ALG6: variants seen among roughly 807,000 people sequenced by gnomAD.
ALG6 encodes dolichyl pyrophosphate Man9GlcNAc2 alpha-1,3-glucosyltransferase.
Under a neutral mutation model 66.6 loss-of-function variants are expected in ALG6, and 46 were observed. The observed-to-expected ratio is 0.69, with a 90% confidence interval of 0.55 to 0.88. The LOEUF (loss-of-function observed/expected upper bound fraction) is 0.88, where lower values mean the gene tolerates loss of function less well. Among genes scored for constraint, ALG6 ranks in the 40% least tolerant of loss-of-function variants. The probability of loss-of-function intolerance (pLI) is 0.00; values close to 1 mark genes in which losing one functional copy is unlikely to be tolerated. For synonymous variants in ALG6, 185 were observed against 203.7 expected, an observed-to-expected ratio of 0.91 and a Z score of 0.78; for missense variants, 505 against 586.8, an observed-to-expected ratio of 0.86 and a Z score of 1.44.
intron 7 of ALG6, 134 bp downstream of exon 7, chr1:63,407,260 A>G: frequency 1.5e-6 from 1 of 660,942 alleles, no homozygotes. Flanking sequence ...CAATAATATA[A>G]AAGAATCTCT....
chr1:63,378,980 C>T (rs761277509), intron 2 of ALG6, among the ~76,000 whole-genome samples: 1 of 151,158 alleles, frequency 6.6e-6, no homozygotes, highest in Non-Finnish European at 1.5e-5. Context: ...GTCTCTTGTT[C>T]CTTCAGCATA....
At chr1:63,384,900 A>G (rs1459944065) in intron 2 of ALG6, among the ~76,000 whole-genome samples, 1 of 152,090 alleles carries the variant, frequency 6.6e-6, no homozygotes, top group Non-Finnish European at 1.5e-5. Context: ...AATTGAAGTC[A>G]GTGTAATGTA....
chr1:63,416,208 G>T (rs946082947), intron 11 of ALG6, among the ~76,000 whole-genome samples: 5 of 152,172 alleles, frequency 3.3e-5, no homozygotes, highest in Admixed American at 6.5e-5. Flanking sequence ...GTAGAAAACA[G>T]TGGCAATGAA....
intron 1 of ALG6, among the ~76,000 whole-genome samples, chr1:63,369,155 G>C (rs1286216608): frequency 6.6e-6 from 1 of 152,196 alleles, no homozygotes; most frequent in Non-Finnish European, 1.5e-5. Flanking sequence ...AATCCTGTTA[G>C]TGAAAAGAAT....
chr1:63,404,492 A>C lies in ALG6; in HGVS notation c.297A>C (p.Thr99=). The change falls in exon 5 of 15, where the codon ACA becomes ACC. Residue 99 remains threonine, a synonymous_variant. Coordinates refer to ENST00000263440, the MANE Select transcript of ALG6 (RefSeq NM_013339.4). ...ATCCAGACTGGATTGCTCTCCATAC[A>C]TCACGTGGATATGAGAGTCAGGCAC... The part of the protein sequence containing the change: ...FINPDWIALH[T]SRGYESQAHK... 6.2e-7 allele frequency: 1 copy of C among 1,613,750 alleles called. No individual in the cohort carries two copies.
chr1:63,369,022 C>T (rs77983226), intron 1 of ALG6, among the ~76,000 whole-genome samples: 3,683 of 152,210 alleles, frequency 0.024, 77 homozygotes, highest in African/African-American at 0.053. Flanking sequence ...ATTTTTAACA[C>T]CATAGATTAG....
chr1:63,369,755 G>A (rs1355652307), intron 1 of ALG6, among the ~76,000 whole-genome samples: 1 of 152,092 alleles, frequency 6.6e-6, no homozygotes, highest in Non-Finnish European at 1.5e-5. Flanking sequence ...AGTGTATCCT[G>A]TGGTTAAAAT....
chr1:63,395,894 G>C (rs966032149), intron 2 of ALG6, among the ~76,000 whole-genome samples: 3 of 152,100 alleles, frequency 2.0e-5, no homozygotes, highest in Non-Finnish European at 4.4e-5. Context: ...AAATAAAAAA[G>C]GATGATTGTG....
intron 10 of ALG6, among the ~76,000 whole-genome samples, 174 bp downstream of exon 10, chr1:63,414,320 C>T (rs1382840932): frequency 6.6e-6 from 1 of 150,566 alleles, no homozygotes; most frequent in Non-Finnish European, 1.5e-5. Flanking sequence ...GGCTTGAGCT[C>T]GGCTCACTGC....
chr1:63,402,204 C>A, intron 3 of ALG6, 50 bp from the exon 4 acceptor site: 1 of 1,110,260 alleles, frequency 9.0e-7, no homozygotes, highest in Non-Finnish European at 1.4e-6. Flanking sequence ...AAGTCTACTT[C>A]TTGAATATTG....
intron 2 of ALG6, among the ~76,000 whole-genome samples, chr1:63,375,618 C>T (rs985313305): frequency 2.6e-5 from 4 of 151,970 alleles, no homozygotes; most frequent in African/African-American, 9.7e-5. Context: ...TTAAGCTAGC[C>T]TCATAAAATG....
At chr1:63,375,370 G>A (rs917234732) in intron 2 of ALG6, among the ~76,000 whole-genome samples, 2 of 149,362 alleles carry the variant, frequency 1.3e-5, no homozygotes, top group South Asian at 2.2e-4. Flanking sequence ...TCAGCTTCCC[G>A]AGTAGCTGGG....
chr1:63,404,010 T>G (rs1279094550), intron 4 of ALG6, among the ~76,000 whole-genome samples: 1 of 152,228 alleles, frequency 6.6e-6, no homozygotes, highest in Non-Finnish European at 1.5e-5. Context: ...AAAATTTCAT[T>G]TAACAATTGT....
chr1:63,384,908 G>A (rs756579042), intron 2 of ALG6, among the ~76,000 whole-genome samples: 2 of 152,086 alleles, frequency 1.3e-5, no homozygotes, highest in Admixed American at 6.6e-5. Context: ...TCAGTGTAAT[G>A]TAATTCCTCC....
intron 3 of ALG6, among the ~76,000 whole-genome samples, chr1:63,396,951 T>C (rs1479895535): frequency 2.0e-5 from 3 of 152,156 alleles, no homozygotes; most frequent in African/African-American, 4.8e-5. Flanking sequence ...ATCACTATGA[T>C]TGTAACTATA....
In ALG6 at chr1:63,428,761, C is replaced by A. The variant is rs952006163; in HGVS notation, c.1087C>A (p.Pro363Thr). Residue 363 changes from proline (P) to threonine (T), a missense_variant, in exon 13 of 15, where the codon CCT becomes ACT. By Grantham distance (38) the Pro-to-Thr change is conservative (BLOSUM62 -1). Coordinates refer to ENST00000263440, the MANE Select transcript of ALG6 (RefSeq NM_013339.4). ...AGTCTGCTTAGTTTTAAGTGAAATT[C>A]CTTTTATGTCTACTTGGTTTTTACT... is the stretch of plus-strand genomic sequence containing the variant. ...LPVCLVLSEIPFMSTWFLLVS... is the reference protein window; with the variant it reads ...LPVCLVLSEITFMSTWFLLVS... The A allele has an allele frequency of 4.4e-6, 7 of 1,608,614 alleles. No homozygotes were observed. The African/African-American group carries it at 8.0e-5, about 18-fold the overall frequency.
At position 63,428,922 on chromosome 1, in the gene ALG6, T is replaced by G; in HGVS notation, c.1128-6T>G. 1 of 1,612,550 alleles carries G rather than the reference T, an allele frequency of 6.2e-7. No homozygotes were observed. Among genetic ancestry groups the G allele is most frequent in the Non-Finnish European group, 8.5e-7 (1 of 1,179,204 alleles). ...TCTTGTGATTTTTAAAAATTTTCCTTTACAGTATGCTACCTCTTCTATTGA... is the reference window on the plus strand; with the variant it reads ...TCTTGTGATTTTTAAAAATTTTCCTGTACAGTATGCTACCTCTTCTATTGA... On this transcript the variant is annotated splice_region_variant and splice_polypyrimidine_tract_variant and intron_variant, in intron 13 of 14. Transcript: ENST00000263440.
chr1:63,414,198 CATTATGGT>C, intron 10 of ALG6, 52 bp downstream of exon 10: 2 of 1,273,580 alleles, frequency 1.6e-6, no homozygotes, highest in African/African-American at 1.5e-5. Context: ...TCTTTAAAAG[CATTATGGT>C]ATTATTTCAT....
At chr1:63,404,323 C>T (rs1644480131) in intron 4 of ALG6, 130 bp from the exon 5 acceptor site, 1 of 786,696 alleles carries the variant, frequency 1.3e-6, no homozygotes, top group Non-Finnish European at 2.3e-6. Context: ...AAAACTTAAG[C>T]ATTGACTCTG....
Sources: allele counts gnomAD v4.1 joint callset (sites outside exome capture counted in the v4.1 genomes callset), GRCh38; gene constraint gnomAD v4.1.1; transcripts MANE v1.5; gene names NCBI Gene and HGNC (gene_info 2026-07-23, HGNC 2026-07-21).